NSD1: variants seen among roughly 807,000 people sequenced by gnomAD.
NSD1 encodes histone-lysine N-methyltransferase, H3 lysine-36 specific.
A neutral mutation model predicts 242.7 loss-of-function variants in NSD1; 26 were observed. The ratio of observed to expected loss-of-function variants is 0.11; its 90% confidence interval spans 0.08 to 0.15. The LOEUF (loss-of-function observed/expected upper bound fraction) is 0.15, where lower values mean the gene tolerates loss of function less well. Among genes scored for constraint, NSD1 ranks in the 10% least tolerant of loss-of-function variants. The pLI is 1.00. For synonymous variants in NSD1, 1,106 were observed against 1,178.1 expected, an observed-to-expected ratio of 0.94 and a Z score of 1.25; for missense variants, 2,495 against 3,272.8, an observed-to-expected ratio of 0.76 and a Z score of 5.80.
chr5:177,249,268 G>C (rs1308764889), intron 11 of NSD1, among the ~76,000 whole-genome samples: 19 of 151,996 alleles, frequency 1.3e-4, no homozygotes, highest in Admixed American at 1.2e-3. Flanking sequence ...GAGGCCAGGA[G>C]TTCTAGACCA....
At chr5:177,282,077 A>T (rs2127259662) in intron 18 of NSD1, among the ~76,000 whole-genome samples, 1 of 152,362 alleles carries the variant, frequency 6.6e-6, no homozygotes, top group Middle Eastern at 3.4e-3. Flanking sequence ...GGAGGATGGT[A>T]CTTTGAAATA....
rs2149849853 is a variant in NSD1 at position 177,212,212 on chromosome 5, G to A, written c.3796+17G>A. On this transcript the variant is annotated intron_variant, in intron 5 of 22. Coordinates refer to ENST00000439151, the MANE Select transcript of NSD1 (RefSeq NM_022455.5). Reference sequence around the variant, plus strand: ...CTGAACCAGGTAAGGACATCTAAATGTGATAAAAAAAAAAAAATTGGAGAA... The same window carrying A: ...CTGAACCAGGTAAGGACATCTAAATATGATAAAAAAAAAAAAATTGGAGAA... 1 of 1,598,732 alleles carries A rather than the reference G, an allele frequency of 6.3e-7. No individual in the cohort carries two copies.
At position 177,283,910 on chromosome 5, in the gene NSD1, C is replaced by A; in HGVS notation, c.6133C>A (p.Leu2045Ile). Reference sequence around the variant, plus strand: ...AGATACCCGTGTAGGCCTTTTTGCACTAAGTGACATTAAAGCAGGTAAGAA... The same window carrying A: ...AGATACCCGTGTAGGCCTTTTTGCAATAAGTGACATTAAAGCAGGTAAGAA... ...NGDTRVGLFA[L>I]SDIKAGTELT... The change falls in exon 20 of 23, where the codon CTA (leucine) becomes ATA (isoleucine). Residue 2045 changes from leucine (L) to isoleucine (I), a missense_variant. Transcript: ENST00000439151. 1 of 1,614,176 alleles carries A rather than the reference C, an allele frequency of 6.2e-7. No individual in the cohort carries two copies. Among genetic ancestry groups the A allele is most frequent in the African/African-American group, 1.3e-5 (1 of 75,050 alleles).
chr5:177,265,402 A>C, intron 14 of NSD1: 1 of 602,558 alleles, frequency 1.7e-6, no homozygotes, highest in South Asian at 2.1e-5. Context: ...GCAGCCATCT[A>C]AAAACATAAG....
chr5:177,146,783 C>A (rs906310117), intron 2 of NSD1, among the ~76,000 whole-genome samples: 5 of 151,760 alleles, frequency 3.3e-5, no homozygotes, highest in African/African-American at 1.2e-4. Flanking sequence ...GCGGCTGGAT[C>A]ACCTGAGGTC....
At chr5:177,273,524 T>C (rs966163932) in intron 16 of NSD1, 148 bp from the exon 17 acceptor site, 1 of 647,908 alleles carries the variant, frequency 1.5e-6, no homozygotes, top group African/African-American at 1.8e-5. Context: ...ATAGCTGTTA[T>C]GTGTTTTCTT....
At chr5:177,180,984 G>A (rs1389027036) in intron 2 of NSD1, among the ~76,000 whole-genome samples, 1 of 151,152 alleles carries the variant, frequency 6.6e-6, no homozygotes, top group Non-Finnish European at 1.5e-5. Context: ...CCCGGCTGAT[G>A]ATGATATTTT....
Position 177,260,017 on chromosome 5 carries a change from T to C in NSD1, c.4995T>C (p.Pro1665=), listed in dbSNP as rs1378460066. ...GGTTGATGCGCTGTGTCCGCTGTCC[T>C]GTGGCATACCACGCCAATGACTTTT... ...KGRLMRCVRC[P]VAYHANDFCL... The change falls in exon 14 of 23, where the codon CCT becomes CCC. Residue 1665 remains proline (P), a synonymous_variant. Coordinates refer to ENST00000439151, the MANE Select transcript of NSD1 (RefSeq NM_022455.5). 6.2e-7 allele frequency: 1 copy of C among 1,614,228 alleles called. No individual in the cohort carries two copies. Among genetic ancestry groups the C allele is most frequent in the Admixed American group, 1.7e-5 (1 of 60,026 alleles).
rs1275363827 is a variant in NSD1 at position 177,288,847 on chromosome 5, A to G, written c.6180A>G (p.Leu2060=). The G allele has an allele frequency of 1.2e-6, 2 of 1,614,110 alleles. No homozygotes were observed. Among genetic ancestry groups the G allele is most frequent in the South Asian group, 1.1e-5 (1 of 91,086 alleles). The change falls in exon 21 of 23, where the codon CTA becomes CTG. Residue 2060 remains leucine (L), a synonymous_variant. Transcript: ENST00000439151. ...CTGAACTTACCTTCAACTACAACCT[A>G]GAATGTCTTGGGAATGGAAAGACTG... is the stretch of plus-strand genomic sequence containing the variant. ...AGTELTFNYN[L]ECLGNGKTVC...
intron 16 of NSD1, among the ~76,000 whole-genome samples, chr5:177,272,381 G>A (rs1286227427): frequency 6.6e-6 from 1 of 152,062 alleles, no homozygotes; most frequent in Admixed American, 6.6e-5. Context: ...AACTCTGGTA[G>A]ATGGCTACAA....
Position 177,211,187 on chromosome 5 carries a change from G to A in NSD1, c.2788G>A (p.Ala930Thr), listed in dbSNP as rs2149846236. 6.2e-7 allele frequency: 1 copy of A among 1,614,086 alleles called. No individual in the cohort carries two copies. The highest frequency in any genetic ancestry group is 8.5e-7 in the Non-Finnish European group (1 of 1,179,982). Residue 930 changes from alanine to threonine, a missense_variant, in exon 5 of 23, where the codon GCT (alanine) becomes ACT (threonine). Ala to Thr is a moderately conservative substitution (Grantham distance 58). This residue lies in a region of NSD1 where 121 missense variants were observed against 167.2 expected (regional missense o/e 0.72). Coordinates refer to ENST00000439151, the MANE Select transcript of NSD1 (RefSeq NM_022455.5). ...SKTKEQRLMTAQNLVSYRSPG... is the reference protein window; with the variant it reads ...SKTKEQRLMTTQNLVSYRSPG... The stretch of plus-strand genomic sequence containing the variant: ...GACGAAGGAGCAGCGGTTGATGACT[G>A]CTCAAAACCTGGTCTCTTACCGGAG...
chr5:177,230,491 A>G (rs1687381403), intron 5 of NSD1, among the ~76,000 whole-genome samples: 1 of 152,094 alleles, frequency 6.6e-6, no homozygotes, highest in South Asian at 2.1e-4. Flanking sequence ...TTACTCTATG[A>G]GAGAAGCAAA....
At chr5:177,230,350 C>G (rs895805758) in intron 5 of NSD1, among the ~76,000 whole-genome samples, 2 of 152,114 alleles carry the variant, frequency 1.3e-5, no homozygotes, top group Non-Finnish European at 2.9e-5. Flanking sequence ...GCCATAAGTT[C>G]TCTGTCACCT....
At chr5:177,226,155 T>G (rs1764613237) in intron 5 of NSD1, among the ~76,000 whole-genome samples, 1 of 152,130 alleles carries the variant, frequency 6.6e-6, no homozygotes, top group Non-Finnish European at 1.5e-5. Context: ...CAAGCAATCC[T>G]CCCACATCAG....
In NSD1 at chr5:177,297,538, C is replaced by G; in HGVS notation, c.*2079C>G. 4.3e-6 allele frequency: 1 copy of G among 232,272 alleles called. No individual in the cohort carries two copies. Among genetic ancestry groups the G allele is most frequent in the East Asian group, 6.1e-5 (1 of 16,494 alleles). The allele number at this position is 232,272 out of a possible 1,614,324, so 14.4% of individuals were successfully genotyped here. ...TGGTGCCAGTCCTGTGCCCTTTTCTCTCCAGTCATCTGTAGTTGTGATCAG... is the reference window on the plus strand; with the variant it reads ...TGGTGCCAGTCCTGTGCCCTTTTCTGTCCAGTCATCTGTAGTTGTGATCAG... On this transcript the variant is annotated 3_prime_UTR_variant, in exon 23 of 23. Coordinates refer to ENST00000439151, the MANE Select transcript of NSD1 (RefSeq NM_022455.5).
Position 177,295,128 on chromosome 5 carries a change from A to C in NSD1, c.7760A>C (p.Gln2587Pro). 1 of 1,613,488 alleles carries C rather than the reference A, an allele frequency of 6.2e-7. No individual in the cohort carries two copies. Among genetic ancestry groups the C allele is most frequent in the Non-Finnish European group, 8.5e-7 (1 of 1,179,496 alleles). ...VKQAKQMVGGQQLPALAAKSG... is the reference protein window; with the variant it reads ...VKQAKQMVGGPQLPALAAKSG... ...CAGGCGAAGCAGATGGTCGGAGGCCAGCAACTACCTGCACTTGCCGCCAAG... is the reference window on the plus strand; with the variant it reads ...CAGGCGAAGCAGATGGTCGGAGGCCCGCAACTACCTGCACTTGCCGCCAAG... Residue 2587 changes from glutamine to proline, a missense_variant, in exon 23 of 23, where the codon CAG becomes CCG. Gln to Pro is a moderately conservative substitution (Grantham distance 76, BLOSUM62 -1). Coordinates refer to ENST00000439151, the MANE Select transcript of NSD1 (RefSeq NM_022455.5). The surrounding 1 kb of genome is among the most constrained non-coding windows in gnomAD (Gnocchi z 4.3).
intron 13 of NSD1, 102 bp downstream of exon 13, chr5:177,257,253 CAG>C (rs1275846673): frequency 2.2e-6 from 2 of 899,758 alleles, no homozygotes; most frequent in Non-Finnish European, 3.3e-6. Context: ...TTTTTGGAGA[CAG>C]AGTCTCGCTG....
intron 2 of NSD1, among the ~76,000 whole-genome samples, chr5:177,164,121 C>T (rs571232185): frequency 4.0e-5 from 6 of 150,614 alleles, no homozygotes; most frequent in African/African-American, 1.5e-4. Flanking sequence ...AAATCTGTCC[C>T]ATCCTGTTCT....
chr5:177,228,444 T>C (rs1764805100), intron 5 of NSD1, among the ~76,000 whole-genome samples: 2 of 152,008 alleles, frequency 1.3e-5, no homozygotes, highest in African/African-American at 4.8e-5. Flanking sequence ...CTTGAACTCC[T>C]GACCTCAAGT....
Sources: allele counts gnomAD v4.1 joint callset (sites outside exome capture counted in the v4.1 genomes callset), GRCh38; gene constraint gnomAD v4.1.1; regional missense constraint gnomAD v4.1.1; non-coding constraint Gnocchi (gnomAD v3.1); transcripts MANE v1.5; gene names NCBI Gene and HGNC (gene_info 2026-07-23, HGNC 2026-07-21).